The following DNAH17 variants were observed in gnomAD, a reference collection of about 807,000 sequenced individuals.
DNAH17 encodes the protein dynein axonemal heavy chain 17, also known as axonemal beta dynein heavy chain 17.
Under a neutral mutation model 485.6 loss-of-function variants are expected in DNAH17, and 376 were observed. The ratio of observed to expected loss-of-function variants is 0.77; its 90% CI spans 0.71 to 0.84. The LOEUF (loss-of-function observed/expected upper bound fraction) is 0.84, where lower values mean the gene tolerates loss of function less well. Among genes scored for constraint, DNAH17 ranks in the 40% least tolerant of loss-of-function variants. DNAH17 has a pLI of 0.00. For missense variants in DNAH17, 6,370 were observed against 5,839.3 expected, an observed-to-expected ratio of 1.09 and a Z score of -2.96; for synonymous variants, 3,031 against 2,405.9, an observed-to-expected ratio of 1.26 and a Z score of -7.60.
At chr17:78,479,287 G>A (rs190784810) in intron 50 of DNAH17, among the ~76,000 whole-genome samples, 171 bp from the exon 51 acceptor site, 2 of 152,280 alleles carry the variant, frequency 1.3e-5, no homozygotes, top group East Asian at 1.9e-4. Context: ...AATCATTTGT[G>A]TATAGAATTT....
chr17:78,438,444 A>AGGAGGAGGAGG (rs1568050755), intron 73 of DNAH17, among the ~76,000 whole-genome samples: 2 of 26,172 alleles, frequency 7.6e-5, no homozygotes, highest in Non-Finnish European at 1.6e-4. Flanking sequence ...GAGGAGGAGG[A>AGGAGGAGGAGG]GGGAGGAGGG....
rs780152526 is a variant in DNAH17, at chr17:78,566,614, C to A, written c.1569G>T (p.Lys523Asn). The change falls in exon 11 of 81, where the codon AAG becomes AAT. Residue 523 changes from lysine (K) to asparagine (N), a missense_variant and splice_region_variant. Coordinates refer to ENST00000389840, the MANE Select transcript of DNAH17 (RefSeq NM_173628.4). ...GCCTGCGTCTCCACTGCATGCTTAC[C>A]TTTGCGGAGGACTTGATACAGCTGC... is the stretch of plus-strand genomic sequence containing the variant. ...DDCSCIKSSAKLLYMCGGLME... is the reference protein window; with the variant it reads ...DDCSCIKSSANLLYMCGGLME... The A allele has an allele frequency of 1.4e-5, 22 of 1,600,610 alleles. No individual in the cohort carries two copies. Among genetic ancestry groups the A allele is most frequent in the Admixed American group, 6.8e-5 (4 of 58,416 alleles).
intron 77 of DNAH17, among the ~76,000 whole-genome samples, chr17:78,427,473 C>A (rs1056089105): frequency 2.0e-5 from 3 of 152,186 alleles, no homozygotes; most frequent in African/African-American, 7.2e-5. Context: ...CTGTAGGGAC[C>A]ATGCTGGTCA....
In DNAH17 at chr17:78,575,751, AAAG is replaced by A. The variant is rs376697776; in HGVS notation, c.-25-672_-25-670del. On this transcript the variant is annotated intron_variant, in intron 1 of 80. Transcript: ENST00000389840. The stretch of plus-strand genomic sequence containing the variant: ...AGAATTGGGGGGAAGGGATCCCCTT[AAAG>A]AACACCCTGAAGTCCCAAAGTTTAG... Among the ~76,000 whole-genome samples the A allele has an allele frequency of 3.8e-4, 58 of 152,310 alleles. No homozygotes were observed. In the East Asian group the frequency reaches 7.5e-3, roughly 20 times the overall value.
At chr17:78,565,639 A>G (rs2092251610) in intron 11 of DNAH17, among the ~76,000 whole-genome samples, 3 of 152,204 alleles carry the variant, frequency 2.0e-5, no homozygotes, top group Non-Finnish European at 4.4e-5. Context: ...TGGGAAACAT[A>G]GCAAAACCTT....
chr17:78,476,559 C>G lies in DNAH17; in HGVS notation c.8154+13G>C. 1 of 1,604,466 alleles carries G rather than the reference C, an allele frequency of 6.2e-7. No individual in the cohort carries two copies. Among genetic ancestry groups the G allele is most frequent in the Admixed American group, 1.7e-5 (1 of 58,428 alleles). ...TTCTGGGCTCGGCAGAGGGACTGGG[C>G]AGCTTGACTTACATCAAAGAACTTC... is the stretch of plus-strand genomic sequence containing the variant. On this transcript the variant is annotated intron_variant, in intron 52 of 80. Coordinates refer to ENST00000389840, the MANE Select transcript of DNAH17 (RefSeq NM_173628.4).
At position 78,548,202 on chromosome 17, in the gene DNAH17, C is replaced by CTTTTTTTTTTT. The variant is rs34701814; in HGVS notation, c.2391+3322_2391+3332dup. Among the ~76,000 whole-genome samples the CTTTTTTTTTTT allele has an allele frequency of 8.0e-3, 641 of 80,114 alleles. 94 individuals carry two copies. The highest frequency in any genetic ancestry group is 0.026 in the African/African-American group (495 of 18,716). 52.6% of individuals were successfully genotyped at this position (80,114 alleles called of 152,430 possible). On this transcript the variant is annotated intron_variant, in intron 16 of 80. Transcript: ENST00000389840. ...GTTGTTATTTCGTAGATGTCATGGCCTTTTTTTTTTTTTTTTTTTGGAGAC... is the reference window on the plus strand; with the variant it reads ...GTTGTTATTTCGTAGATGTCATGGCCTTTTTTTTTTTTTTTTTTTTTTTTTTTTTTGGAGAC...
In DNAH17 at chr17:78,502,102, A is replaced by G. The variant is rs11871437; in HGVS notation, c.5191-229T>C. On this transcript the variant is annotated intron_variant, in intron 33 of 80. Coordinates refer to ENST00000389840, the MANE Select transcript of DNAH17 (RefSeq NM_173628.4). ...CATGGACGTAGTAGAAGGAAATTCA[A>G]GGCCACGAGAGAGGGTGGATGAGAA... The G allele has an allele frequency of 2.0e-3, 1,110 of 562,398 alleles. 11 individuals are homozygous for G. Among genetic ancestry groups the G allele is most frequent in the African/African-American group, 0.018 (964 of 53,158 alleles). The allele number at this position is 562,398 out of a possible 1,614,324, so 34.8% of individuals were successfully genotyped here.
chr17:78,489,218 G>A (rs1397610032), intron 44 of DNAH17, among the ~76,000 whole-genome samples: 6 of 152,142 alleles, frequency 3.9e-5, no homozygotes, highest in East Asian at 3.8e-4. Flanking sequence ...CACTTCCCAC[G>A]CAGAGAGCAA....
chr17:78,425,717 G>A (rs1258824781), intron 79 of DNAH17, 146 bp from the exon 80 acceptor site: 3 of 591,022 alleles, frequency 5.1e-6, no homozygotes, highest in East Asian at 3.1e-5. Flanking sequence ...TAGGGGCCAT[G>A]GAGCCCAGCC....
intron 20 of DNAH17, among the ~76,000 whole-genome samples, chr17:78,531,442 C>T (rs559000338): frequency 6.6e-6 from 1 of 151,372 alleles, no homozygotes; most frequent in Admixed American, 6.6e-5. Flanking sequence ...GGGTTCACAC[C>T]ATTCTCTTGC....
chr17:78,424,177 G>A (rs749155061), intron 80 of DNAH17, 24 bp from the exon 81 acceptor site: 6 of 1,591,642 alleles, frequency 3.8e-6, no homozygotes, highest in African/African-American at 2.7e-5. Flanking sequence ...ATGGCTGAGG[G>A]TCAGGTGTGC....
At chr17:78,468,418 A>C (rs189269566) in intron 55 of DNAH17, among the ~76,000 whole-genome samples, 199 bp downstream of exon 55, 1 of 152,270 alleles carries the variant, frequency 6.6e-6, no homozygotes, top group East Asian at 1.9e-4. Context: ...TTTGGCCCCA[A>C]GATACCTCTA....
intron 19 of DNAH17, among the ~76,000 whole-genome samples, chr17:78,534,444 A>G (rs1390058478): frequency 6.6e-6 from 1 of 152,176 alleles, no homozygotes; most frequent in Non-Finnish European, 1.5e-5. Flanking sequence ...CAGGGGAGAG[A>G]AACCTGAAGC....
In DNAH17 at chr17:78,479,536, C is replaced by G. The variant is rs2089255688; in HGVS notation, c.7849G>C (p.Val2617Leu). 2 of 1,613,628 alleles carry G rather than the reference C, an allele frequency of 1.2e-6. No individual in the cohort carries two copies. The highest frequency in any genetic ancestry group is 1.7e-6 in the Non-Finnish European group (2 of 1,179,872). Reference protein sequence around the residue: ...ILTQHLAFRSVSMAIQRISSQ... With the variant: ...ILTQHLAFRSLSMAIQRISSQ... Reference sequence around the variant, plus strand: ...CTTATCCTCTGGATAGCCATGGAGACCGAGCGGAAGGCCAGGTGCTGCGTC... The same window carrying G: ...CTTATCCTCTGGATAGCCATGGAGAGCGAGCGGAAGGCCAGGTGCTGCGTC... Residue 2617 changes from valine to leucine, a missense_variant, in exon 50 of 81, where the codon GTC (valine) becomes CTC (leucine). Coordinates refer to ENST00000389840, the MANE Select transcript of DNAH17 (RefSeq NM_173628.4).
intron 23 of DNAH17, 23 bp from the exon 24 acceptor site, chr17:78,526,760 A>C: frequency 6.3e-7 from 1 of 1,588,260 alleles, no homozygotes. Flanking sequence ...AGTGCAAAGT[A>C]CAGAGAGTCA....
intron 54 of DNAH17, among the ~76,000 whole-genome samples, chr17:78,469,388 G>T (rs867139041): frequency 5.3e-5 from 8 of 152,142 alleles, no homozygotes; most frequent in Admixed American, 5.2e-4. Flanking sequence ...TGATCCACCC[G>T]CCTCGGCCTC....
At chr17:78,533,136 T>G in intron 19 of DNAH17, 1 of 197,064 alleles carries the variant, frequency 5.1e-6, no homozygotes, top group Non-Finnish European at 1.0e-5. Flanking sequence ...GTGTGACGTT[T>G]GTCTGGGGAA....
At chr17:78,495,494 A>G (rs1445218041) in intron 38 of DNAH17, among the ~76,000 whole-genome samples, 8 of 149,242 alleles carry the variant, frequency 5.4e-5, no homozygotes, top group African/African-American at 2.5e-5. Flanking sequence ...CTGGAGTGCA[A>G]TGGTGCCATC....
Sources: gnomAD v4.1 joint callset for allele counts (sites outside exome capture counted in the v4.1 genomes callset) on GRCh38, gnomAD v4.1.1 for gene constraint, MANE v1.5 for transcripts, NCBI Gene and HGNC (gene_info 2026-07-23, HGNC 2026-07-21) for gene names.